ADAM12: variants seen among roughly 807,000 people sequenced by gnomAD.
The protein encoded by ADAM12 is ADAM metallopeptidase domain 12.
ADAM12 carries 70 observed loss-of-function variants against 106.4 expected under a neutral mutation model. The observed-to-expected ratio is 0.66, with a 90% CI of 0.54 to 0.80. The LOEUF is 0.80. ADAM12 is among the 30% of genes least tolerant of loss of function. The pLI, the probability that ADAM12 is intolerant of heterozygous loss-of-function variation, is 0.00. For missense variants in ADAM12, 1,010 were observed against 1,171.9 expected (o/e 0.86, Z 2.02); for synonymous variants, 420 against 433.5 (o/e 0.97, Z 0.39).
chr10:126,042,374 A>G (rs1954196694), intron 18 of ADAM12: 4 of 1,144,598 alleles, frequency 3.5e-6, no homozygotes, highest in Middle Eastern at 2.0e-4. Context: ...CACAGCTGCT[A>G]CTAAGAGCTT....
chr10:126,090,316 A>C (rs1185452224), intron 11 of ADAM12, among the ~76,000 whole-genome samples: 1 of 150,684 alleles, frequency 6.6e-6, no homozygotes, highest in Non-Finnish European at 1.5e-5. Flanking sequence ...TTTCTGCAAA[A>C]AAAAAAAAAA....
intron 4 of ADAM12, among the ~76,000 whole-genome samples, chr10:126,144,209 C>T (rs1437192367): frequency 6.6e-5 from 10 of 152,178 alleles, no homozygotes; most frequent in Admixed American, 3.9e-4. Flanking sequence ...GGGAACAGCA[C>T]GTCTGCAATA....
At chr10:126,342,563 G>A (rs1854966670) in intron 1 of ADAM12, among the ~76,000 whole-genome samples, 1 of 152,082 alleles carries the variant, frequency 6.6e-6, no homozygotes, top group Non-Finnish European at 1.5e-5. Context: ...CTTACATAGA[G>A]AAGCCAAAAG....
At chr10:126,119,373 G>A (rs1007711260) in intron 5 of ADAM12, among the ~76,000 whole-genome samples, 6 of 152,180 alleles carry the variant, frequency 3.9e-5, no homozygotes, top group South Asian at 4.1e-4. Flanking sequence ...GAGTCAAAAC[G>A]CTTAGCCCAG....
In ADAM12 at chr10:126,086,671, AAAAAAAAAAATATATAT is replaced by A. The variant is rs1248310035; in HGVS notation, c.1145+7297_1145+7313del. On this transcript the variant is annotated intron_variant, in intron 11 of 22. Coordinates refer to ENST00000448723, the MANE Select transcript of ADAM12 (RefSeq NM_001288973.2). The stretch of plus-strand genomic sequence containing the variant: ...TGCCTCAAAAAAAAAAAAAAAAAAA[AAAAAAAAAAATATATAT>A]ATATATATATATATATATAAAATAA... Among the ~76,000 whole-genome samples the A allele has an allele frequency of 1.1e-3, 69 of 61,436 alleles. 1 individual carries two copies. The highest frequency in any genetic ancestry group is 7.0e-3 in the African/African-American group (66 of 9,458). 40.3% of individuals were successfully genotyped at this position (61,436 alleles called of 152,430 possible).
rs373399926 is a variant in ADAM12 at position 126,311,048 on chromosome 10, C to A, written c.186+19364G>T. Among the ~76,000 whole-genome samples, 176 of 151,434 alleles carry A rather than the reference C, an allele frequency of 1.2e-3. 1 individual carries two copies. Among genetic ancestry groups the A allele is most frequent in the African/African-American group, 4.1e-3 (170 of 41,298 alleles). On this transcript the variant is annotated intron_variant, in intron 2 of 22. Transcript: ENST00000448723. Reference sequence around the variant, plus strand: ...GAGCTAATACTAAATCTCCTGCCCACCTTTTTAGTGGGTTATGGGTCTTCC... The same window carrying A: ...GAGCTAATACTAAATCTCCTGCCCAACTTTTTAGTGGGTTATGGGTCTTCC...
At chr10:126,289,475 T>C (rs890639817) in intron 2 of ADAM12, among the ~76,000 whole-genome samples, 1 of 152,196 alleles carries the variant, frequency 6.6e-6, no homozygotes, top group Non-Finnish European at 1.5e-5. Flanking sequence ...TCAGTGTCGA[T>C]GCCAGCTGCA....
At position 126,364,147 on chromosome 10, in the gene ADAM12, T is replaced by A. The variant is rs565882675; in HGVS notation, c.88+23911A>T. 3.4e-3 allele frequency among the ~76,000 whole-genome samples: 518 copies of A among 151,978 alleles called. 6 individuals carry two copies. The highest frequency in any genetic ancestry group is 0.011 in the African/African-American group (446 of 41,494). ...AAATTCAGTATCCAATACTTTTTTTTTTAAAAAAATCTATTTGAAAACTAG... is the reference window on the plus strand; with the variant it reads ...AAATTCAGTATCCAATACTTTTTTTATTAAAAAAATCTATTTGAAAACTAG... On this transcript the variant is annotated intron_variant, in intron 1 of 22. Transcript: ENST00000448723.
intron 16 of ADAM12, among the ~76,000 whole-genome samples, chr10:126,047,064 T>C (rs916484593): frequency 1.3e-5 from 2 of 152,296 alleles, no homozygotes; most frequent in Non-Finnish European, 1.5e-5. Flanking sequence ...GTGGTAGGCA[T>C]TTCCTAAGTG....
chr10:126,085,471 C>T (rs887750732), intron 11 of ADAM12, among the ~76,000 whole-genome samples: 5 of 152,142 alleles, frequency 3.3e-5, no homozygotes, highest in South Asian at 4.2e-4. Flanking sequence ...TCTCTCCATC[C>T]GCCCACCCAG....
At chr10:126,216,658 C>G (rs531452347) in intron 3 of ADAM12, among the ~76,000 whole-genome samples, 1 of 152,332 alleles carries the variant, frequency 6.6e-6, no homozygotes, top group East Asian at 1.9e-4. Flanking sequence ...TCCGACGCAT[C>G]CTTTATTAAT....
At chr10:126,069,786 A>G (rs1954949006) in intron 12 of ADAM12, among the ~76,000 whole-genome samples, 1 of 152,078 alleles carries the variant, frequency 6.6e-6, no homozygotes, top group Non-Finnish European at 1.5e-5. Flanking sequence ...CGGTGGCGGC[A>G]GTGGCAGTGA....
intron 21 of ADAM12, among the ~76,000 whole-genome samples, chr10:126,021,833 CTAT>C (rs1234473321): frequency 6.6e-6 from 1 of 152,154 alleles, no homozygotes; most frequent in Non-Finnish European, 1.5e-5. Context: ...TGGATTACAA[CTAT>C]TATTAATGGA....
intron 2 of ADAM12, among the ~76,000 whole-genome samples, chr10:126,317,948 C>T (rs920532162): frequency 1.3e-5 from 2 of 152,112 alleles, no homozygotes; most frequent in African/African-American, 2.4e-5. Context: ...TGAGCCAGCA[C>T]TTGAGATCTG....
chr10:126,028,552 G>C (rs1266549776), intron 21 of ADAM12, among the ~76,000 whole-genome samples: 1 of 152,026 alleles, frequency 6.6e-6, no homozygotes, highest in African/African-American at 2.4e-5. Flanking sequence ...AAAAGCAATG[G>C]GGAAAGGATT....
At chr10:126,144,184 A>G (rs1393785040) in intron 4 of ADAM12, among the ~76,000 whole-genome samples, 1 of 152,212 alleles carries the variant, frequency 6.6e-6, no homozygotes, top group Non-Finnish European at 1.5e-5. Context: ...TGAGACCTCC[A>G]GGCAAACTGG....
chr10:126,173,511 C>T (rs1018911503), intron 3 of ADAM12, among the ~76,000 whole-genome samples: 1 of 152,166 alleles, frequency 6.6e-6, no homozygotes, highest in Non-Finnish European at 1.5e-5. Context: ...TCTCTCCCAA[C>T]CAAAACTGTC....
chr10:126,205,262 T>C (rs902631424), intron 3 of ADAM12, among the ~76,000 whole-genome samples: 27 of 152,096 alleles, frequency 1.8e-4, no homozygotes, highest in African/African-American at 6.3e-4. Flanking sequence ...AAAACCTCTT[T>C]ACCTTTTCTT....
At chr10:126,074,432 G>T (rs950478013) in intron 11 of ADAM12, among the ~76,000 whole-genome samples, 2 of 152,078 alleles carry the variant, frequency 1.3e-5, no homozygotes, top group Non-Finnish European at 2.9e-5. Flanking sequence ...TGGGTTTTTT[G>T]GGGGTTTCCC....
Sources: gnomAD v4.1 joint callset for allele counts (sites outside exome capture counted in the v4.1 genomes callset) on GRCh38, gnomAD v4.1.1 for gene constraint, MANE v1.5 for transcripts, NCBI Gene and HGNC (gene_info 2026-07-23, HGNC 2026-07-21) for gene names.